The following GNAQ variants were observed in gnomAD, a reference collection of about 807,000 sequenced individuals.
GNAQ encodes G protein subunit alpha q, also known as guanine nucleotide-binding protein G(q) subunit alpha.
A neutral mutation model predicts 43.9 loss-of-function variants in GNAQ; 8 were observed. The observed-to-expected ratio is 0.18, with a 90% CI of 0.11 to 0.33. GNAQ has a LOEUF of 0.33. Among genes scored for constraint, GNAQ ranks in the 10% least tolerant of loss-of-function variants. The pLI is 1.00. For missense variants in GNAQ, 158 were observed against 450.8 expected (o/e 0.35, Z 5.88); for synonymous variants, 155 against 170.7 (o/e 0.91, Z 0.71).
intron 5 of GNAQ, among the ~76,000 whole-genome samples, chr9:77,788,162 T>C (rs967401590): frequency 6.6e-6 from 1 of 152,178 alleles, no homozygotes; most frequent in Non-Finnish European, 1.5e-5. Flanking sequence ...ACATTTTCAA[T>C]TGTGTATATA....
intron 1 of GNAQ, among the ~76,000 whole-genome samples, chr9:78,014,833 A>T (rs1444405090): frequency 2.6e-5 from 4 of 152,244 alleles, no homozygotes; most frequent in Non-Finnish European, 5.9e-5. Flanking sequence ...CCTACACCAC[A>T]TTAACAATGT....
At chr9:77,785,033 G>A (rs1468316627) in intron 5 of GNAQ, among the ~76,000 whole-genome samples, 1 of 152,188 alleles carries the variant, frequency 6.6e-6, no homozygotes, top group Non-Finnish European at 1.5e-5. Context: ...AGTGTCATTG[G>A]GCTGAATAGT....
chr9:77,987,674 A>G (rs1321774602), intron 1 of GNAQ, among the ~76,000 whole-genome samples: 1 of 152,178 alleles, frequency 6.6e-6, no homozygotes, highest in Non-Finnish European at 1.5e-5. Context: ...CTAGCAATAC[A>G]CAATATAGAC....
intron 5 of GNAQ, among the ~76,000 whole-genome samples, chr9:77,759,231 A>G: frequency 6.6e-6 from 1 of 152,216 alleles, no homozygotes; most frequent in East Asian, 1.9e-4. Flanking sequence ...ATGCCATTAT[A>G]ATACTACCCA....
At chr9:77,752,846 G>C (rs1245039655) in intron 5 of GNAQ, among the ~76,000 whole-genome samples, 1 of 151,950 alleles carries the variant, frequency 6.6e-6, no homozygotes, top group Non-Finnish European at 1.5e-5. Flanking sequence ...CAGCACTCTG[G>C]GAGGCCAAGG....
rs571543326 is a variant in GNAQ at position 77,807,031 on chromosome 9, T to A, written c.476+8585A>T. ...TAATTTGGATATTGCTTCTGTGAGA[T>A]TAGAACTTTCATTTTGACAAGGATG... On this transcript the variant is annotated intron_variant, in intron 3 of 6. Transcript: ENST00000286548. 5.3e-5 allele frequency among the ~76,000 whole-genome samples: 8 copies of A among 152,318 alleles called. No individual in the cohort carries two copies. In the East Asian group the frequency reaches 1.4e-3, roughly 26 times the overall value.
intron 2 of GNAQ, among the ~76,000 whole-genome samples, chr9:77,901,342 A>C (rs191262427): frequency 6.6e-6 from 1 of 152,284 alleles, no homozygotes. Context: ...TTACAGCCTT[A>C]TCTCTCACCA....
chr9:77,718,790 G>A lies in GNAQ; in HGVS notation c.*2533C>T, dbSNP rs562746878. ...TTAAGAACGCCCTTTCAGGCAAGCAGTGGTCTCTAGCTGTTAAAACATTTC... is the reference window on the plus strand; with the variant it reads ...TTAAGAACGCCCTTTCAGGCAAGCAATGGTCTCTAGCTGTTAAAACATTTC... On this transcript the variant is annotated 3_prime_UTR_variant, in exon 7 of 7. Transcript: ENST00000286548. 5 of 191,004 alleles carry A rather than the reference G, an allele frequency of 2.6e-5. No individual in the cohort carries two copies. The highest frequency in any genetic ancestry group is 4.4e-4 in the South Asian group (2 of 4,508). The allele number at this position is 191,004 out of a possible 1,614,324, so 11.8% of individuals were successfully genotyped here. A position where few individuals can be genotyped will look rare whatever the true frequency, so the allele number is the denominator to read the frequency against.
At chr9:77,904,704 T>C (rs1229365103) in intron 2 of GNAQ, among the ~76,000 whole-genome samples, 2 of 152,180 alleles carry the variant, frequency 1.3e-5, no homozygotes, top group Admixed American at 6.5e-5. Flanking sequence ...GTCTTTTGGG[T>C]TGATCCAAAT....
intron 1 of GNAQ, among the ~76,000 whole-genome samples, chr9:77,925,376 T>C (rs1350148350): frequency 1.3e-5 from 2 of 152,160 alleles, no homozygotes; most frequent in Non-Finnish European, 2.9e-5. Flanking sequence ...TGGAAGCCAA[T>C]CATGATAAAG....
At chr9:77,934,104 A>AC (rs1227189214) in intron 1 of GNAQ, among the ~76,000 whole-genome samples, 2 of 152,206 alleles carry the variant, frequency 1.3e-5, no homozygotes, top group Non-Finnish European at 2.9e-5. Context: ...GAGATCAGCT[A>AC]CAGGCAGAGG....
intron 3 of GNAQ, among the ~76,000 whole-genome samples, chr9:77,802,096 G>C (rs534162023): frequency 6.6e-5 from 10 of 152,136 alleles, no homozygotes; most frequent in Non-Finnish European, 1.2e-4. Flanking sequence ...GAACCTGGCA[G>C]GTAGAGGTTG....
At chr9:77,832,998 G>A (rs550967330) in intron 2 of GNAQ, among the ~76,000 whole-genome samples, 6 of 152,070 alleles carry the variant, frequency 3.9e-5, no homozygotes, top group East Asian at 1.9e-4. Context: ...ATGGATTCTC[G>A]CTCTATCTCC....
At chr9:77,879,408 C>T (rs1476208930) in intron 2 of GNAQ, among the ~76,000 whole-genome samples, 2 of 152,164 alleles carry the variant, frequency 1.3e-5, no homozygotes, top group Admixed American at 1.3e-4. Context: ...GGATTAGAGG[C>T]ACCCACCACC....
chr9:77,991,805 G>A (rs1446072439), intron 1 of GNAQ, among the ~76,000 whole-genome samples: 1 of 152,156 alleles, frequency 6.6e-6, no homozygotes, highest in Non-Finnish European at 1.5e-5. Context: ...ACTTAAAAGT[G>A]AGAACATATG....
At chr9:77,893,312 C>T (rs1828434105) in intron 2 of GNAQ, among the ~76,000 whole-genome samples, 1 of 152,154 alleles carries the variant, frequency 6.6e-6, no homozygotes, top group Admixed American at 6.5e-5. Context: ...ATCCTCATTG[C>T]TCAATTATCA....
At chr9:77,790,836 A>G (rs2058649436) in intron 5 of GNAQ, among the ~76,000 whole-genome samples, 2 of 152,132 alleles carry the variant, frequency 1.3e-5, no homozygotes, top group African/African-American at 4.8e-5. Context: ...CATCGTTATG[A>G]CGCACACCAG....
intron 2 of GNAQ, among the ~76,000 whole-genome samples, chr9:77,854,073 T>G (rs1827715196): frequency 6.6e-6 from 1 of 152,202 alleles, no homozygotes; most frequent in South Asian, 2.1e-4. Context: ...TTATTTCATA[T>G]GGGTCACATG....
At chr9:77,814,651 C>T (rs1826983670) in intron 3 of GNAQ, among the ~76,000 whole-genome samples, 1 of 152,148 alleles carries the variant, frequency 6.6e-6, no homozygotes, top group Admixed American at 6.5e-5. Flanking sequence ...ATATTCCATG[C>T]ACTTTTGAGT....
Sources: allele counts gnomAD v4.1 joint callset (sites outside exome capture counted in the v4.1 genomes callset), GRCh38; gene constraint gnomAD v4.1.1; transcripts MANE v1.5; gene names NCBI Gene and HGNC (gene_info 2026-07-23, HGNC 2026-07-21).